RBFOX3: variants seen among roughly 807,000 people sequenced by gnomAD.
RBFOX3 encodes RNA binding protein fox-1 homolog 3.
A neutral mutation model predicts 48.7 loss-of-function variants in RBFOX3; 17 were observed. The ratio of observed to expected loss-of-function variants is 0.35; its 90% CI spans 0.24 to 0.52. The LOEUF (loss-of-function observed/expected upper bound fraction) is 0.52. Among genes scored for constraint, RBFOX3 ranks in the 20% least tolerant of loss-of-function variants. RBFOX3 has a pLI of 0.94. For synonymous variants in RBFOX3, 212 were observed against 209.5 expected (o/e 1.01, Z -0.10); for missense variants, 382 against 497.5 (o/e 0.77, Z 2.21).
chr17:79,647,744 G>A, the RBFOX3 span, among the ~76,000 whole-genome samples: 10 of 152,180 alleles, frequency 6.6e-5, no homozygotes, highest in Admixed American at 3.3e-4. Context: ...TCAGGGCTTC[G>A]ATCCACCTGA....
At chr17:79,483,676 T>C (rs2079111976) in intron 1 of RBFOX3, among the ~76,000 whole-genome samples, 3 of 151,872 alleles carry the variant, frequency 2.0e-5, no homozygotes, top group Non-Finnish European at 4.4e-5. Flanking sequence ...GCAGGCTCCC[T>C]GAGGGCAGGC....
At chr17:79,245,198 A>G (rs9911928) in intron 3 of RBFOX3, among the ~76,000 whole-genome samples, 13,884 of 151,886 alleles carry the variant, frequency 0.091, 683 homozygotes, top group African/African-American at 0.13. Flanking sequence ...TCAGCCTCCC[A>G]AGTAGCTGGG....
chr17:79,365,130 C>T (rs909395852), intron 2 of RBFOX3, among the ~76,000 whole-genome samples: 4 of 114,530 alleles, frequency 3.5e-5, no homozygotes, highest in Non-Finnish European at 7.7e-5. Context: ...GATGTGCGCA[C>T]ACACACACAC....
intron 3 of RBFOX3, among the ~76,000 whole-genome samples, chr17:79,277,011 A>G (rs962865505): frequency 5.9e-5 from 9 of 152,168 alleles, no homozygotes; most frequent in African/African-American, 2.2e-4. Flanking sequence ...GCACATGATG[A>G]CGTCAGCCTC....
chr17:79,103,036 C>T lies in RBFOX3; in HGVS notation c.507+126G>A. ...CTGGCCTTAGTGCGACCCTTCCTCC[C>T]ACCCCAGGGAACCCTGGCCAGGCTC... On this transcript the variant is annotated intron_variant, in intron 8 of 14. Transcript: ENST00000693108. This position sits in a 1 kb window ranked among gnomAD's most constrained non-coding sequence, Gnocchi z 6.1. 1 of 717,856 alleles carries T rather than the reference C, an allele frequency of 1.4e-6. No homozygotes were observed. The highest frequency in any genetic ancestry group is 2.4e-6 in the Non-Finnish European group (1 of 418,838). The allele number at this position is 717,856 out of a possible 1,614,324, so 44.5% of individuals were successfully genotyped here. A position where few individuals can be genotyped will look rare whatever the true frequency, so the allele number is the denominator to read the frequency against.
intron 1 of RBFOX3, among the ~76,000 whole-genome samples, chr17:79,555,380 T>A (rs1302550802): frequency 2.3e-4 from 1 of 4,284 alleles, no homozygotes; most frequent in Non-Finnish European, 4.7e-4. Flanking sequence ...ATGGTAGTTG[T>A]GGTGGTGGTG....
chr17:79,503,792 C>T (rs956346169), intron 1 of RBFOX3, among the ~76,000 whole-genome samples: 2 of 152,218 alleles, frequency 1.3e-5, no homozygotes, highest in East Asian at 1.9e-4. Context: ...CCTACACAGG[C>T]TCTAAAGCCA....
chr17:79,475,578 G>C (rs2077613269), intron 2 of RBFOX3, among the ~76,000 whole-genome samples: 2 of 152,202 alleles, frequency 1.3e-5, no homozygotes, highest in African/African-American at 4.8e-5. Context: ...CTTTGCAGAT[G>C]TGATGAAGGT....
At chr17:79,341,714 C>T (rs1344692213) in intron 2 of RBFOX3, among the ~76,000 whole-genome samples, 1 of 148,026 alleles carries the variant, frequency 6.8e-6, no homozygotes, top group Non-Finnish European at 1.5e-5. Context: ...GGGAGCGTCT[C>T]CCTTGCTCCC....
At chr17:79,615,926 C>T (rs2093992134), upstream of RBFOX3, among the ~76,000 whole-genome samples, 1 of 152,184 alleles carries the variant, frequency 6.6e-6, no homozygotes, top group South Asian at 2.1e-4. Flanking sequence ...TCCCAGGCTC[C>T]TCCGTCTAAG....
chr17:79,609,294 C>A (rs973251112), intron 1 of RBFOX3, among the ~76,000 whole-genome samples: 58 of 152,314 alleles, frequency 3.8e-4, no homozygotes, highest in African/African-American at 1.3e-3. Flanking sequence ...ACCTGCTCCA[C>A]GCTAAGTGCC....
chr17:79,488,197 C>T (rs892637733), intron 1 of RBFOX3, among the ~76,000 whole-genome samples: 1 of 152,162 alleles, frequency 6.6e-6, no homozygotes, highest in Non-Finnish European at 1.5e-5. Context: ...GAAGGCCACA[C>T]TTGGACTTCA....
At chr17:79,239,139 C>T (rs755253443) in intron 3 of RBFOX3, among the ~76,000 whole-genome samples, 10 of 152,178 alleles carry the variant, frequency 6.6e-5, no homozygotes, top group Admixed American at 2.0e-4. Context: ...TGCCTCGCTT[C>T]GTGTTTCTGA....
intron 2 of RBFOX3, among the ~76,000 whole-genome samples, chr17:79,345,185 CTGTT>C (rs2082699437): frequency 6.6e-6 from 1 of 152,156 alleles, no homozygotes; most frequent in African/African-American, 2.4e-5. Flanking sequence ...TCTTCTCCAC[CTGTT>C]TGTTTTGGTT....
intron 2 of RBFOX3, among the ~76,000 whole-genome samples, chr17:79,400,031 T>G (rs1034100239): frequency 1.6e-4 from 24 of 152,236 alleles, no homozygotes; most frequent in African/African-American, 5.8e-4. Context: ...CCACTGCTGA[T>G]TTAACCGGTT....
the RBFOX3 span, among the ~76,000 whole-genome samples, chr17:79,639,863 A>G: frequency 1.3e-5 from 2 of 152,204 alleles, no homozygotes; most frequent in Non-Finnish European, 2.9e-5. Flanking sequence ...CCCATAACTA[A>G]TATCATAATC....
chr17:79,580,679 G>A (rs36143797), intron 1 of RBFOX3, among the ~76,000 whole-genome samples: 5,287 of 152,188 alleles, frequency 0.035, 159 homozygotes, highest in East Asian at 0.16. Context: ...TCATGGGTCC[G>A]TCTTGCTCCT....
intron 4 of RBFOX3, among the ~76,000 whole-genome samples, chr17:79,138,820 C>A (rs1162476541): frequency 5.1e-5 from 6 of 118,342 alleles, no homozygotes; most frequent in Admixed American, 2.5e-4. Flanking sequence ...TGCGTTCACA[C>A]CCCCTCACCC....
At chr17:79,114,387 G>C (rs1358140781) in intron 5 of RBFOX3, among the ~76,000 whole-genome samples, 1 of 152,204 alleles carries the variant, frequency 6.6e-6, no homozygotes, top group Non-Finnish European at 1.5e-5. Flanking sequence ...ATTCGGGCTG[G>C]GCGGGGCTCC....
Sources: gnomAD v4.1 joint callset for allele counts (sites outside exome capture counted in the v4.1 genomes callset) on GRCh38, gnomAD v4.1.1 for gene constraint, Gnocchi (gnomAD v3.1) non-coding constraint, MANE v1.5 for transcripts, NCBI Gene and HGNC (gene_info 2026-07-23, HGNC 2026-07-21) for gene names.